RBM23: variants seen among roughly 807,000 people sequenced by gnomAD.
The protein encoded by RBM23 is probable RNA-binding protein 23.
A neutral mutation model predicts 56.2 loss-of-function variants in RBM23; 53 were observed. The observed-to-expected ratio is 0.94, with a 90% CI of 0.76 to 1.19. The LOEUF is 1.19. Among genes scored for constraint, RBM23 ranks in the 50% most tolerant of loss-of-function variants. The probability of loss-of-function intolerance (pLI) is 0.00; values close to 1 mark genes in which losing one functional copy is unlikely to be tolerated. For missense variants in RBM23, 642 were observed against 590.3 expected, an observed-to-expected ratio of 1.09 and a Z score of -0.91; for synonymous variants, 197 against 198.5, an observed-to-expected ratio of 0.99 and a Z score of 0.06.
chr14:22,908,265 C>A, intron 4 of RBM23, 68 bp downstream of exon 4: 1 of 1,515,388 alleles, frequency 6.6e-7, no homozygotes, highest in Non-Finnish European at 8.9e-7. Context: ...AAGTGATCCT[C>A]CCGCCTTGGC....
Position 22,902,208 on chromosome 14 carries a change from G to A in RBM23, c.1105C>T (p.Leu369Phe). The A allele has an allele frequency of 6.2e-7, 1 of 1,614,086 alleles. No individual in the cohort carries two copies. The highest frequency in any genetic ancestry group is 8.5e-7 in the Non-Finnish European group (1 of 1,179,938). Residue 369 changes from leucine to phenylalanine, a missense_variant, in exon 11 of 14, where the codon CTC (leucine) becomes TTC (phenylalanine). Physicochemically the swap from Leu to Phe is conservative, Grantham distance 22. Coordinates refer to ENST00000359890, the MANE Select transcript of RBM23 (RefSeq NM_001077351.2). ...DLGSAGGRFQLMAKLAEGAGI... is the reference protein window; with the variant it reads ...DLGSAGGRFQFMAKLAEGAGI... ...TTACCTTCTGCCAGTTTTGCCATGA[G>A]CTGAAAACGTCCACCTGCTGATCCC...
At position 22,899,117 on chromosome 14, in the gene RBM23, A is replaced by C. The variant is rs2040297189; in HGVS notation, c.*2613T>G. The C allele has an allele frequency of 6.6e-6, 1 of 152,194 alleles. No individual in the cohort carries two copies. The highest frequency in any genetic ancestry group is 2.4e-5 in the African/African-American group (1 of 41,452). 9.4% of individuals were successfully genotyped at this position (152,194 alleles called of 1,614,324 possible). ...GTGTCCCCCAAAAGTTCACATTGGA[A>C]ATTTGACTCCCAATGCAACAGTGTT... On this transcript the variant is annotated 3_prime_UTR_variant, in exon 14 of 14. Coordinates refer to ENST00000359890, the MANE Select transcript of RBM23 (RefSeq NM_001077351.2).
intron 2 of RBM23, 43 bp downstream of exon 2, chr14:22,911,285 T>C (rs1202881124): frequency 2.6e-6 from 4 of 1,527,558 alleles, no homozygotes; most frequent in East Asian, 2.3e-5. Flanking sequence ...ACAACTACTC[T>C]TTCTCATTAA....
At chr14:22,915,882 T>C (rs2043397979) in intron 1 of RBM23, among the ~76,000 whole-genome samples, 1 of 152,236 alleles carries the variant, frequency 6.6e-6, no homozygotes, top group Non-Finnish European at 1.5e-5. Context: ...CATACCCAAA[T>C]TTTTTAAAAC....
At chr14:22,917,296 G>C (rs1473749540) in intron 1 of RBM23, 1 of 152,136 alleles carries the variant, frequency 6.6e-6, no homozygotes, top group South Asian at 2.1e-4. Context: ...TTGATTTCAA[G>C]AACTGCTCAT....
intron 1 of RBM23, chr14:22,917,102 AG>A (rs1434364890): frequency 6.6e-6 from 1 of 152,060 alleles, no homozygotes; most frequent in Admixed American, 6.6e-5. Flanking sequence ...TCCTGACCTC[AG>A]GTGATCCGCC....
At chr14:22,910,970 C>T (rs2042414153) in intron 2 of RBM23, among the ~76,000 whole-genome samples, 1 of 152,028 alleles carries the variant, frequency 6.6e-6, no homozygotes, top group Admixed American at 6.6e-5. Context: ...AAGATTGTGC[C>T]ACTGCACTCC....
rs2040314608 is a variant in RBM23 at position 22,899,733 on chromosome 14, C to T, written c.*1997G>A. On this transcript the variant is annotated 3_prime_UTR_variant, in exon 14 of 14. Transcript: ENST00000359890. Reference sequence around the variant, plus strand: ...TATTGTTACAGAAGCAGCAAACAGACTTAGGAGCTAGAGTCCCACTGGCCT... The same window carrying T: ...TATTGTTACAGAAGCAGCAAACAGATTTAGGAGCTAGAGTCCCACTGGCCT... 2 of 152,176 alleles carry T rather than the reference C, an allele frequency of 1.3e-5. No homozygotes were observed. The highest frequency in any genetic ancestry group is 2.9e-5 in the Non-Finnish European group (2 of 68,042). The allele number at this position is 152,176 out of a possible 1,614,324, so 9.4% of individuals were successfully genotyped here. A position where few individuals can be genotyped will look rare whatever the true frequency, so the allele number is the denominator to read the frequency against.
At position 22,901,858 on chromosome 14, in the gene RBM23, G is replaced by A. The variant is rs375453653; in HGVS notation, c.1272C>T (p.Ala424=). 19 of 1,614,090 alleles carry A rather than the reference G, an allele frequency of 1.2e-5. No homozygotes were observed. Among genetic ancestry groups the A allele is most frequent in the Non-Finnish European group, 1.5e-5 (18 of 1,180,036 alleles). ...GGCTGGAGAGCTGGAAACACTGGGA[G>A]GCAAGGTTCAGGGCTGGACTCAGAG... The part of the protein sequence containing the change: ...LTALSPALNL[A]SQCFQLSSLF... The change falls in exon 13 of 14, where the codon GCC becomes GCT. Residue 424 remains alanine (A), a synonymous_variant. Coordinates refer to ENST00000359890, the MANE Select transcript of RBM23 (RefSeq NM_001077351.2).
rs747542633 is a variant in RBM23 at position 22,904,160 on chromosome 14, T to C, written c.930+101A>G. ...TTCAGGCACCAGGGTTTATGGGTCA[T>C]TTAGACAGTTCCTAAAGGAGGAGGA... On this transcript the variant is annotated intron_variant, in intron 10 of 13. Transcript: ENST00000359890. The C allele has an allele frequency of 1.6e-5, 25 of 1,597,202 alleles. No individual in the cohort carries two copies. In the East Asian group the frequency reaches 5.3e-4, roughly 34 times the overall value.
Position 22,908,473 on chromosome 14 carries a change from A to C in RBM23, c.180-93T>G, listed in dbSNP as rs542547926. Reference sequence around the variant, plus strand: ...AGTGGTGCAATCTTGGCTCACTGCAACCTCCGCCTTCCAGGTTCAAGCGAT... The same window carrying C: ...AGTGGTGCAATCTTGGCTCACTGCACCCTCCGCCTTCCAGGTTCAAGCGAT... On this transcript the variant is annotated intron_variant, in intron 3 of 13. Coordinates refer to ENST00000359890, the MANE Select transcript of RBM23 (RefSeq NM_001077351.2). 8 of 1,396,836 alleles carry C rather than the reference A, an allele frequency of 5.7e-6. No individual in the cohort carries two copies. The African/African-American group carries it at 1.0e-4, about 18-fold the overall frequency. The allele number at this position is 1,396,836 out of a possible 1,614,324, so 86.5% of individuals were successfully genotyped here. A position where few individuals can be genotyped will look rare whatever the true frequency, so the allele number is the denominator to read the frequency against.
intron 1 of RBM23, among the ~76,000 whole-genome samples, chr14:22,913,257 A>G (rs2042899035): frequency 6.6e-6 from 1 of 150,686 alleles, no homozygotes; most frequent in Non-Finnish European, 1.5e-5. Context: ...TACTAAAAAT[A>G]CAAAATATTA....
Position 22,917,542 on chromosome 14 carries a change from G to A in RBM23, c.-11+1457C>T, listed in dbSNP as rs997320213. 2.0e-5 allele frequency: 3 copies of A among 146,538 alleles called. No homozygotes were observed. In the East Asian group the frequency reaches 6.2e-4, roughly 30 times the overall value. 9.1% of individuals were successfully genotyped at this position (146,538 alleles called of 1,614,324 possible). On this transcript the variant is annotated intron_variant, in intron 1 of 13. Transcript: ENST00000359890. ...GGTAGCAAACACTATGCATTTTCAGGCTGGTAGTTTTTTCTTTTTTCTTCT... is the reference window on the plus strand; with the variant it reads ...GGTAGCAAACACTATGCATTTTCAGACTGGTAGTTTTTTCTTTTTTCTTCT...
rs1239607532 is a variant in RBM23 at position 22,893,560 on chromosome 14, C to T, written c.*8170G>A. ...TGGAAGAAACAGTAAATTTGGAAGA[C>T]ATATTTTAGAAACTGGGCCTTAAAG... is the stretch of plus-strand genomic sequence containing the variant. On this transcript the variant is annotated 3_prime_UTR_variant, in exon 14 of 14. Coordinates refer to ENST00000359890, the MANE Select transcript of RBM23 (RefSeq NM_001077351.2). 6.6e-6 allele frequency: 1 copy of T among 152,156 alleles called. No homozygotes were observed. Among genetic ancestry groups the T allele is most frequent in the East Asian group, 1.9e-4 (1 of 5,200 alleles). 9.4% of individuals were successfully genotyped at this position (152,156 alleles called of 1,614,324 possible).
chr14:22,915,252 G>A (rs1261222882), intron 1 of RBM23, among the ~76,000 whole-genome samples: 2 of 152,138 alleles, frequency 1.3e-5, no homozygotes, highest in African/African-American at 4.8e-5. Flanking sequence ...AAATCAAATT[G>A]GTATACATAA....
In RBM23 at chr14:22,902,158, A is replaced by G; in HGVS notation, c.1126+29T>C. 3.1e-6 allele frequency: 5 copies of G among 1,610,470 alleles called. No homozygotes were observed. In the South Asian group the frequency reaches 3.3e-5, roughly 11 times the overall value. ...AACCCTTCATCTAAAATTCAACCCC[A>G]TAATCTTCACCTTGCGGAGATATTT... On this transcript the variant is annotated intron_variant, in intron 11 of 13. Transcript: ENST00000359890.
chr14:22,919,112 T>C lies in RBM23; in HGVS notation c.-124A>G, dbSNP rs537553274. On this transcript the variant is annotated 5_prime_UTR_variant, in exon 1 of 14. Coordinates refer to ENST00000359890, the MANE Select transcript of RBM23 (RefSeq NM_001077351.2). ...TAGGCAAGAAAAGCAGCACTGCAGG[T>C]ACAGAGCCTCCTCTTCCCGCAAAAT... 6.6e-6 allele frequency: 1 copy of C among 152,306 alleles called. No individual in the cohort carries two copies. Among genetic ancestry groups the C allele is most frequent in the East Asian group, 1.9e-4 (1 of 5,176 alleles). 9.4% of individuals were successfully genotyped at this position (152,306 alleles called of 1,614,324 possible). A position where few individuals can be genotyped will look rare whatever the true frequency, so the allele number is the denominator to read the frequency against.
intron 10 of RBM23, 75 bp from the exon 11 acceptor site, chr14:22,902,457 GT>G: frequency 6.6e-7 from 1 of 1,518,434 alleles, no homozygotes. Flanking sequence ...ACACTCCCTA[GT>G]CCTACTATCC....
Position 22,906,781 on chromosome 14 carries a change from G to A in RBM23, c.228-413C>T, listed in dbSNP as rs1436161793. On this transcript the variant is annotated intron_variant, in intron 4 of 13. Coordinates refer to ENST00000359890, the MANE Select transcript of RBM23 (RefSeq NM_001077351.2). Reference sequence around the variant, plus strand: ...GGGCTGGGCGCGGTGGCTCACGCCTGTAATCCCAGCACTTTGGGAGGCCAA... The same window carrying A: ...GGGCTGGGCGCGGTGGCTCACGCCTATAATCCCAGCACTTTGGGAGGCCAA... Among the ~76,000 whole-genome samples the A allele has an allele frequency of 2.6e-5, 4 of 152,242 alleles. No homozygotes were observed. The East Asian group carries it at 7.7e-4, about 29-fold the overall frequency.
Sources: gnomAD v4.1 joint callset for allele counts (sites outside exome capture counted in the v4.1 genomes callset) on GRCh38, gnomAD v4.1.1 for gene constraint, MANE v1.5 for transcripts, NCBI Gene and HGNC (gene_info 2026-07-23, HGNC 2026-07-21) for gene names.